LMO3: variants seen among roughly 807,000 people sequenced by gnomAD.
LMO3 encodes the protein LIM domain only 3, also known as LIM domain only protein 3.
LMO3 carries 2 observed loss-of-function variants against 15.8 expected under a neutral mutation model. That is an observed-to-expected ratio of 0.13 (90% CI 0.05 to 0.40). The LOEUF is 0.40. Ranked by LOEUF, LMO3 falls within the 10% of genes least tolerant of loss-of-function variation. The pLI is 0.99. For synonymous variants in LMO3, 62 were observed against 63.8 expected (o/e 0.97, Z 0.13); for missense variants, 86 against 182.2 (o/e 0.47, Z 3.04).
chr12:16,602,545 C>A (rs573067711), intron 1 of LMO3, among the ~76,000 whole-genome samples: 1 of 152,302 alleles, frequency 6.6e-6, no homozygotes, highest in African/African-American at 2.4e-5. Context: ...CTGTAGTCAC[C>A]GGAGCTGCAG....
In LMO3 at chr12:16,551,027, T is replaced by C. The variant is rs1941968540; in HGVS notation, c.*195A>G. On this transcript the variant is annotated 3_prime_UTR_variant, in exon 4 of 4. Coordinates refer to ENST00000537304, the MANE Select transcript of LMO3 (RefSeq NM_018640.5). ...ATATGTACATTACTTTTTTCTTTAA[T>C]AATAAACATTCAACTCTGAACTGGG... 2.0e-6 allele frequency: 1 copy of C among 495,428 alleles called. No individual in the cohort carries two copies. The highest frequency in any genetic ancestry group is 2.9e-5 in the East Asian group (1 of 34,358). The allele number at this position is 495,428 out of a possible 1,614,324, so 30.7% of individuals were successfully genotyped here.
In LMO3 at chr12:16,597,238, C is replaced by G. The variant is rs1409961319; in HGVS notation, c.206+3417G>C. ...AGTGTACAAACTATGGAAGATTTTT[C>G]TTTCTTTTTCTCTTAAATATAGCTA... On this transcript the variant is annotated intron_variant, in intron 2 of 3. Coordinates refer to ENST00000537304, the MANE Select transcript of LMO3 (RefSeq NM_018640.5). The surrounding 1 kb of genome is among the most constrained non-coding windows in gnomAD (Gnocchi z 5.0). Among the ~76,000 whole-genome samples, 1 of 151,484 alleles carries G rather than the reference C, an allele frequency of 6.6e-6. No homozygotes were observed.
intron 2 of LMO3, among the ~76,000 whole-genome samples, chr12:16,570,672 C>T (rs769186637): frequency 2.0e-5 from 3 of 152,132 alleles, no homozygotes; most frequent in Admixed American, 6.6e-5. Context: ...CTGTGAAACA[C>T]GAACGAGTGA....
In LMO3 at chr12:16,565,982, CCATATATATATA is replaced by C. The variant is rs1565488143; in HGVS notation, c.207-5456_207-5445del. Among the ~76,000 whole-genome samples the C allele has an allele frequency of 1.4e-4, 6 of 44,320 alleles. 1 individual carries two copies. In the South Asian group the frequency reaches 3.1e-3, roughly 23 times the overall value. The allele number at this position is 44,320 out of a possible 152,430, so 29.1% of individuals were successfully genotyped here. ...TGGATGAATGGATGAAGAAAATGTG[CCATATATATATA>C]TATATATATATATATATATATATAT... On this transcript the variant is annotated intron_variant, in intron 2 of 3. Transcript: ENST00000537304.
intron 2 of LMO3, among the ~76,000 whole-genome samples, chr12:16,579,925 G>T (rs1943106969): frequency 6.6e-6 from 1 of 152,134 alleles, no homozygotes; most frequent in Non-Finnish European, 1.5e-5. Flanking sequence ...AGAGAACCAG[G>T]TATCTGTTGG....
In LMO3 at chr12:16,550,952, A is replaced by G; in HGVS notation, c.*270T>C. 2.7e-6 allele frequency: 1 copy of G among 372,292 alleles called. No homozygotes were observed. Among genetic ancestry groups the G allele is most frequent in the South Asian group, 5.6e-5 (1 of 17,984 alleles). The allele number at this position is 372,292 out of a possible 1,614,324, so 23.1% of individuals were successfully genotyped here. A position where few individuals can be genotyped will look rare whatever the true frequency, so the allele number is the denominator to read the frequency against. On this transcript the variant is annotated 3_prime_UTR_variant, in exon 4 of 4. Transcript: ENST00000537304. ...TTATATACAATAGTCCAAAATAAAC[A>G]TCTCATGCCAAGTGACACAAAAACG...
rs1188071633 is a variant in LMO3, at chr12:16,599,411, T to C, written c.206+1244A>G. On this transcript the variant is annotated intron_variant, in intron 2 of 3. Transcript: ENST00000537304. The surrounding 1 kb of genome is among the most constrained non-coding windows in gnomAD (Gnocchi z 4.1). ...CGCTTTCACCCTCTTGTAACTACCA[T>C]TAATCAAATGATATATTTTTATATC... 6.6e-6 allele frequency: 1 copy of C among 152,164 alleles called. No homozygotes were observed. Among genetic ancestry groups the C allele is most frequent in the African/African-American group, 2.4e-5 (1 of 41,430 alleles). 9.4% of individuals were successfully genotyped at this position (152,164 alleles called of 1,614,324 possible). A position where few individuals can be genotyped will look rare whatever the true frequency, so the allele number is the denominator to read the frequency against.
At chr12:16,602,950 G>A (rs1943871013) in intron 1 of LMO3, among the ~76,000 whole-genome samples, 1 of 151,086 alleles carries the variant, frequency 6.6e-6, no homozygotes, top group Non-Finnish European at 1.5e-5. Flanking sequence ...AATTTGTAAG[G>A]CTATTATTTT....
Position 16,560,347 on chromosome 12 carries a change from T to C in LMO3, c.332+66A>G. 1 of 1,506,288 alleles carries C rather than the reference T, an allele frequency of 6.6e-7. No homozygotes were observed. The allele number at this position is 1,506,288 out of a possible 1,614,324, so 93.3% of individuals were successfully genotyped here. ...TAAATGTATGAATATAATTTCCACCTATTAAATAAATAGCCAGCACAGAGA... is the reference window on the plus strand; with the variant it reads ...TAAATGTATGAATATAATTTCCACCCATTAAATAAATAGCCAGCACAGAGA... On this transcript the variant is annotated intron_variant, in intron 3 of 3. Coordinates refer to ENST00000537304, the MANE Select transcript of LMO3 (RefSeq NM_018640.5). This position sits in a 1 kb window ranked among gnomAD's most constrained non-coding sequence, Gnocchi z 5.0.
intron 2 of LMO3, among the ~76,000 whole-genome samples, chr12:16,577,750 T>TA (rs1943038634): frequency 6.6e-6 from 1 of 152,192 alleles, no homozygotes; most frequent in African/African-American, 2.4e-5. Flanking sequence ...ATCTGTTCAA[T>TA]AACTTACAAT....
intron 2 of LMO3, among the ~76,000 whole-genome samples, chr12:16,562,878 A>G (rs529443850): frequency 5.3e-5 from 8 of 152,298 alleles, no homozygotes; most frequent in Admixed American, 2.6e-4. Flanking sequence ...TTCCACTACA[A>G]TGTGCACAAA....
chr12:16,570,413 C>A (rs1271590004), intron 2 of LMO3, among the ~76,000 whole-genome samples: 2 of 151,544 alleles, frequency 1.3e-5, no homozygotes, highest in African/African-American at 4.9e-5. Flanking sequence ...TTTTTTTTTA[C>A]TCATCTCGTA....
In LMO3 at chr12:16,589,872, A is replaced by G. The variant is rs1230770217; in HGVS notation, c.206+10783T>C. Among the ~76,000 whole-genome samples the G allele has an allele frequency of 1.3e-5, 2 of 152,112 alleles. No individual in the cohort carries two copies. Among genetic ancestry groups the G allele is most frequent in the Non-Finnish European group, 2.9e-5 (2 of 68,002 alleles). On this transcript the variant is annotated intron_variant, in intron 2 of 3. Coordinates refer to ENST00000537304, the MANE Select transcript of LMO3 (RefSeq NM_018640.5). This position sits in a 1 kb window ranked among gnomAD's most constrained non-coding sequence, Gnocchi z 4.2. ...AAGCCCCCAAGATGCAGACCACAGT[A>G]GGAATTAAGCCTCGTAAAGCTCTCT...
chr12:16,609,959 G>C (rs182018915), upstream of LMO3: 1 of 151,336 alleles, frequency 6.6e-6, no homozygotes, highest in Admixed American at 6.6e-5. Context: ...AGGTTGTTGG[G>C]GGGAGGCAAA....
chr12:16,609,919 T>A (rs1565522030), upstream of LMO3: 1 of 151,664 alleles, frequency 6.6e-6, no homozygotes, highest in Non-Finnish European at 1.5e-5. Context: ...CGTCTTTTTT[T>A]TTTTTAATTT....
rs1941923707 is a variant in LMO3 at position 16,549,925 on chromosome 12, A to C, written c.*1297T>G. 1 of 152,144 alleles carries C rather than the reference A, an allele frequency of 6.6e-6. No individual in the cohort carries two copies. Among genetic ancestry groups the C allele is most frequent in the East Asian group, 1.9e-4 (1 of 5,198 alleles). The allele number at this position is 152,144 out of a possible 1,614,324, so 9.4% of individuals were successfully genotyped here. A position where few individuals can be genotyped will look rare whatever the true frequency, so the allele number is the denominator to read the frequency against. ...AAATGGAAAGACAAATTTCAGCCTA[A>C]GAATGATGTATTCTGAGTTGGCAAT... On this transcript the variant is annotated 3_prime_UTR_variant, in exon 4 of 4. Coordinates refer to ENST00000537304, the MANE Select transcript of LMO3 (RefSeq NM_018640.5).
chr12:16,548,382 C>A lies in LMO3; in HGVS notation c.*2840G>T, dbSNP rs776399363. On this transcript the variant is annotated 3_prime_UTR_variant, in exon 4 of 4. Transcript: ENST00000537304. This position sits in a 1 kb window ranked among gnomAD's most constrained non-coding sequence, Gnocchi z 4.2. ...TTAAGTGCAATCAAATAGTGTAACA[C>A]CCCTTTTATTAAAAACATAAATCCA... The A allele has an allele frequency of 1.3e-5, 2 of 152,006 alleles. No individual in the cohort carries two copies. Among genetic ancestry groups the A allele is most frequent in the African/African-American group, 2.4e-5 (1 of 41,390 alleles). 9.4% of individuals were successfully genotyped at this position (152,006 alleles called of 1,614,324 possible).
intron 2 of LMO3, 170 bp downstream of exon 2, chr12:16,600,485 A>C (rs1443839407): frequency 1.6e-6 from 1 of 611,892 alleles, no homozygotes; most frequent in African/African-American, 1.8e-5. Context: ...CTATTCCTTA[A>C]GCATTAATTT....
chr12:16,561,040 A>G (rs1453755890), intron 2 of LMO3, among the ~76,000 whole-genome samples: 3 of 152,180 alleles, frequency 2.0e-5, no homozygotes, highest in Admixed American at 2.0e-4. Flanking sequence ...AGGCGCATGC[A>G]TGCACCTTAT....
Sources: allele counts gnomAD v4.1 joint callset (sites outside exome capture counted in the v4.1 genomes callset), GRCh38; gene constraint gnomAD v4.1.1; non-coding constraint Gnocchi (gnomAD v3.1); transcripts MANE v1.5; gene names NCBI Gene and HGNC (gene_info 2026-07-23, HGNC 2026-07-21).